The following ZFPM1 variants were observed in gnomAD, a reference collection of about 807,000 sequenced individuals.
The protein encoded by ZFPM1 is zinc finger protein ZFPM1.
A neutral mutation model predicts 46.3 loss-of-function variants in ZFPM1; 28 were observed. The ratio of observed to expected loss-of-function variants is 0.60; its 90% CI spans 0.45 to 0.83. The LOEUF (loss-of-function observed/expected upper bound fraction) is 0.83. ZFPM1 is among the 40% of genes least tolerant of loss of function. ZFPM1 has a pLI of 0.00. For missense variants in ZFPM1, 1,878 were observed against 1,432.4 expected (o/e 1.31, Z -5.02); for synonymous variants, 957 against 675.9 (o/e 1.42, Z -6.45).
chr16:88,456,543 C>T (rs1400094256), intron 1 of ZFPM1, among the ~76,000 whole-genome samples: 4 of 152,048 alleles, frequency 2.6e-5, no homozygotes, highest in Non-Finnish European at 5.9e-5. Flanking sequence ...CAGTGGCAAA[C>T]GAGAGGGGCA....
At position 88,536,138 on chromosome 16, in the gene ZFPM1, T is replaced by G. The variant is rs766293922; in HGVS notation, c.*1159T>G. 5.9e-5 allele frequency: 9 copies of G among 152,114 alleles called. No homozygotes were observed. Among genetic ancestry groups the G allele is most frequent in the Non-Finnish European group, 1.3e-4 (9 of 68,032 alleles). 9.4% of individuals were successfully genotyped at this position (152,114 alleles called of 1,614,324 possible). A position where few individuals can be genotyped will look rare whatever the true frequency, so the allele number is the denominator to read the frequency against. ...GCCCAGCTAGTTTTTGTGTTTTTTGTAGAAATGGTGTCTCCCTATGTTGCC... is the reference window on the plus strand; with the variant it reads ...GCCCAGCTAGTTTTTGTGTTTTTTGGAGAAATGGTGTCTCCCTATGTTGCC... On this transcript the variant is annotated 3_prime_UTR_variant, in exon 10 of 10. Coordinates refer to ENST00000319555, the MANE Select transcript of ZFPM1 (RefSeq NM_153813.3).
chr16:88,504,201 G>T (rs1567542712), intron 3 of ZFPM1, among the ~76,000 whole-genome samples: 1 of 152,122 alleles, frequency 6.6e-6, no homozygotes, highest in East Asian at 1.9e-4. Context: ...TCCAGACCCT[G>T]GAAAAACGGG....
intron 1 of ZFPM1, among the ~76,000 whole-genome samples, chr16:88,475,426 A>C (rs1343047011): frequency 3.3e-5 from 5 of 151,948 alleles, no homozygotes; most frequent in African/African-American, 1.2e-4. Flanking sequence ...TGAGGCCAGC[A>C]AGGGGAGAGA....
chr16:88,509,008 C>G (rs1464753750), intron 3 of ZFPM1, among the ~76,000 whole-genome samples: 2 of 152,172 alleles, frequency 1.3e-5, no homozygotes, highest in Admixed American at 6.5e-5. Context: ...CAGCTGACCC[C>G]TGGCCACCCC....
chr16:88,482,864 G>A (rs1164882838), intron 1 of ZFPM1, among the ~76,000 whole-genome samples: 1 of 152,230 alleles, frequency 6.6e-6, no homozygotes, highest in East Asian at 1.9e-4. Flanking sequence ...CTCCCGCCAA[G>A]TCGGGGATGG....
intron 4 of ZFPM1, among the ~76,000 whole-genome samples, chr16:88,526,356 T>G (rs1176032693): frequency 6.6e-6 from 1 of 152,180 alleles, no homozygotes; most frequent in Non-Finnish European, 1.5e-5. Context: ...ATCTAGGGCC[T>G]GTGTGGAAGG....
intron 4 of ZFPM1, among the ~76,000 whole-genome samples, chr16:88,520,972 G>GTGGA (rs1234985402): frequency 1.6e-5 from 2 of 122,232 alleles, no homozygotes; most frequent in African/African-American, 3.2e-5. Flanking sequence ...GGACAGGTGG[G>GTGGA]TGGATGGATG....
At chr16:88,501,684 G>A in intron 3 of ZFPM1, among the ~76,000 whole-genome samples, 1 of 147,126 alleles carries the variant, frequency 6.8e-6, no homozygotes, top group Non-Finnish European at 1.5e-5. Flanking sequence ...TAGCGGGTGT[G>A]GGTGCAGGGC....
intron 1 of ZFPM1, among the ~76,000 whole-genome samples, chr16:88,482,602 A>G (rs1012289466): frequency 6.6e-6 from 1 of 152,030 alleles, no homozygotes. Flanking sequence ...CACCTTCCTG[A>G]GGCTGCAGCA....
Position 88,533,138 on chromosome 16 carries a change from C to G in ZFPM1, c.1190-10C>G. 6.8e-7 allele frequency: 1 copy of G among 1,465,948 alleles called. No individual in the cohort carries two copies. Among genetic ancestry groups the G allele is most frequent in the Non-Finnish European group, 9.0e-7 (1 of 1,111,208 alleles). The allele number at this position is 1,465,948 out of a possible 1,614,324, so 90.8% of individuals were successfully genotyped here. On this transcript the variant is annotated splice_polypyrimidine_tract_variant and intron_variant, in intron 9 of 9. Coordinates refer to ENST00000319555, the MANE Select transcript of ZFPM1 (RefSeq NM_153813.3). ...AGGCCTGAGGTGCCACCCCTGCGAT[C>G]TCTCTGCAGACAGTCTGGGCAGCTT...
intron 7 of ZFPM1, 58 bp downstream of exon 7, chr16:88,532,293 C>A (rs911904869): frequency 2.7e-6 from 4 of 1,475,628 alleles, no homozygotes; most frequent in African/African-American, 1.4e-5. Flanking sequence ...CCACCCAGTC[C>A]CGCAGGCCGC....
chr16:88,527,277 C>G (rs1270176137), intron 5 of ZFPM1, among the ~76,000 whole-genome samples: 2 of 152,232 alleles, frequency 1.3e-5, no homozygotes, highest in Non-Finnish European at 2.9e-5. Context: ...CGACACCAGA[C>G]TGGCTGGCAG....
In ZFPM1 at chr16:88,532,859, C is replaced by G; in HGVS notation, c.1113C>G (p.His371Gln). The change falls in exon 9 of 10, where the codon CAC becomes CAG. Residue 371 changes from histidine to glutamine, a missense_variant. Physicochemically the swap from His to Gln is conservative, Grantham distance 24 (BLOSUM62 0). Coordinates refer to ENST00000319555, the MANE Select transcript of ZFPM1 (RefSeq NM_153813.3). ...DILYSHLVTN[H>Q]MVCQPGSKGE... ...TCTACAGCCACTTGGTCACCAACCACATGGTCTGCCAGCCTGGCTCCAAGG... is the reference window on the plus strand; with the variant it reads ...TCTACAGCCACTTGGTCACCAACCAGATGGTCTGCCAGCCTGGCTCCAAGG... The G allele has an allele frequency of 1.2e-6, 2 of 1,613,510 alleles. No individual in the cohort carries two copies. The highest frequency in any genetic ancestry group is 8.5e-7 in the Non-Finnish European group (1 of 1,179,982).
chr16:88,503,968 CG>C (rs1424849755), intron 3 of ZFPM1, among the ~76,000 whole-genome samples: 1 of 152,044 alleles, frequency 6.6e-6, no homozygotes, highest in Non-Finnish European at 1.5e-5. Flanking sequence ...CTGACACTCT[CG>C]GTGGGTACCA....
chr16:88,478,256 GT>G (rs1026386313), intron 1 of ZFPM1, among the ~76,000 whole-genome samples: 2 of 152,242 alleles, frequency 1.3e-5, no homozygotes, highest in African/African-American at 4.8e-5. Context: ...TCCTGCGCTG[GT>G]TAGGGCTCTG....
Position 88,532,249 on chromosome 16 carries a change from C to A in ZFPM1, c.946+14C>A. The A allele has an allele frequency of 6.3e-7, 1 of 1,580,156 alleles. No individual in the cohort carries two copies. The highest frequency in any genetic ancestry group is 8.6e-7 in the Non-Finnish European group (1 of 1,159,956). On this transcript the variant is annotated intron_variant, in intron 7 of 9. Coordinates refer to ENST00000319555, the MANE Select transcript of ZFPM1 (RefSeq NM_153813.3). ...GCAGCCACAGCGGTGAGCCCCCACCCCGGACGCGGGTCCTCAGGATGCCGG... is the reference window on the plus strand; with the variant it reads ...GCAGCCACAGCGGTGAGCCCCCACCACGGACGCGGGTCCTCAGGATGCCGG...
chr16:88,489,661 G>A (rs1241867070), intron 3 of ZFPM1, among the ~76,000 whole-genome samples: 1 of 152,232 alleles, frequency 6.6e-6, no homozygotes, highest in Non-Finnish European at 1.5e-5. Flanking sequence ...ACCCCGCGGG[G>A]CCTGGGCCAC....
At chr16:88,464,981 G>A (rs1294687433) in intron 1 of ZFPM1, among the ~76,000 whole-genome samples, 1 of 151,398 alleles carries the variant, frequency 6.6e-6, no homozygotes, top group Non-Finnish European at 1.5e-5. Flanking sequence ...ACTGATTAAA[G>A]TGTCTGGATT....
At position 88,534,549 on chromosome 16, in the gene ZFPM1, C is replaced by A. The variant is rs752486756; in HGVS notation, c.2591C>A (p.Pro864Gln). Reference protein sequence around the residue: ...AACPYCPPNGPVRGDLLEHFR... With the variant: ...AACPYCPPNGQVRGDLLEHFR... ...TGCCCCTACTGCCCCCCGAACGGCC[C>A]GGTGCGCGGGGACCTGCTGGAGCAT... Residue 864 changes from proline (P) to glutamine (Q), a missense_variant, in exon 10 of 10, where the codon CCG (proline) becomes CAG (glutamine). By Grantham distance (76) the Pro-to-Gln change is moderately conservative. Transcript: ENST00000319555. 7.3e-7 allele frequency: 1 copy of A among 1,362,674 alleles called. No individual in the cohort carries two copies. The allele number at this position is 1,362,674 out of a possible 1,614,324, so 84.4% of individuals were successfully genotyped here.
Sources: allele counts gnomAD v4.1 joint callset (sites outside exome capture counted in the v4.1 genomes callset), GRCh38; gene constraint gnomAD v4.1.1; transcripts MANE v1.5; gene names NCBI Gene and HGNC (gene_info 2026-07-23, HGNC 2026-07-21).